Variants in POFUT3 observed in about 807,000 individuals in gnomAD.
The protein encoded by POFUT3 is protein O-fucosyltransferase 3.
At chr8:33,334,484 C>T in the POFUT3 span, among the ~76,000 whole-genome samples, 1,177 of 152,244 alleles carry the variant, frequency 7.7e-3, 72 homozygotes, top group East Asian at 0.16. Context: ...TCCTAAAGTG[C>T]TGGGATTAGA....
chr8:33,432,559 A>G, the POFUT3 span, among the ~76,000 whole-genome samples: 1 of 152,152 alleles, frequency 6.6e-6, no homozygotes, highest in African/African-American at 2.4e-5. Context: ...GGAATGCTAG[A>G]TTGGTTATGT....
the POFUT3 span, among the ~76,000 whole-genome samples, chr8:33,421,040 G>A: frequency 6.6e-6 from 1 of 151,718 alleles, no homozygotes; most frequent in South Asian, 2.1e-4. Context: ...GGAAGAAGAA[G>A]GGACAAGAAC....
the POFUT3 span, among the ~76,000 whole-genome samples, chr8:33,375,427 T>A: frequency 2.0e-4 from 30 of 151,616 alleles, no homozygotes; most frequent in East Asian, 5.7e-3. Flanking sequence ...CAGATAGGAG[T>A]GGGTCAGAGG....
chr8:33,350,435 A>G, the POFUT3 span, among the ~76,000 whole-genome samples: 1 of 152,136 alleles, frequency 6.6e-6, no homozygotes, highest in African/African-American at 2.4e-5. Flanking sequence ...GTGGATGTGA[A>G]AATCCACGGC....
the POFUT3 span, among the ~76,000 whole-genome samples, chr8:33,318,254 T>C: frequency 6.6e-6 from 1 of 151,836 alleles, no homozygotes; most frequent in East Asian, 1.9e-4. Context: ...CACAATAATA[T>C]ACTGTTTCAC....
At chr8:33,441,680 C>T in the POFUT3 span, among the ~76,000 whole-genome samples, 1 of 151,982 alleles carries the variant, frequency 6.6e-6, no homozygotes, top group South Asian at 2.1e-4. Flanking sequence ...TGCACCCAGC[C>T]TTGTTTTAAT....
the POFUT3 span, among the ~76,000 whole-genome samples, chr8:33,324,474 A>C: frequency 6.6e-6 from 1 of 152,138 alleles, no homozygotes; most frequent in African/African-American, 2.4e-5. Flanking sequence ...TCCTAATTCA[A>C]GATTGAGACT....
chr8:33,311,437 G>A, the POFUT3 span, among the ~76,000 whole-genome samples: 3 of 152,162 alleles, frequency 2.0e-5, no homozygotes, highest in Non-Finnish European at 2.9e-5. Context: ...GCCTGAATCA[G>A]TCACTGGTAA....
chr8:33,429,856 C>A, the POFUT3 span, among the ~76,000 whole-genome samples: 1 of 151,950 alleles, frequency 6.6e-6, no homozygotes, highest in African/African-American at 2.4e-5. Context: ...ATTAGCTGGG[C>A]ATGGTGGTGG....
the POFUT3 span, among the ~76,000 whole-genome samples, chr8:33,377,869 C>G: frequency 6.6e-5 from 10 of 152,294 alleles, 1 homozygote; most frequent in South Asian, 1.7e-3. Flanking sequence ...TTGAGCCCAT[C>G]AGGGAACTGA....
At chr8:33,390,205 T>TG in the POFUT3 span, among the ~76,000 whole-genome samples, 4 of 145,704 alleles carry the variant, frequency 2.7e-5, no homozygotes, top group Non-Finnish European at 4.5e-5. Flanking sequence ...GTGTGTGTCA[T>TG]ACACACACAC....
At chr8:33,334,345 G>A in the POFUT3 span, among the ~76,000 whole-genome samples, 1 of 152,056 alleles carries the variant, frequency 6.6e-6, no homozygotes, top group Non-Finnish European at 1.5e-5. Flanking sequence ...AGCCTCCCAA[G>A]TAGCTGGGAT....
chr8:33,414,593 TC>T, the POFUT3 span, among the ~76,000 whole-genome samples: 36,808 of 151,946 alleles, frequency 0.24, 5,176 homozygotes, highest in South Asian at 0.44. Flanking sequence ...CATGGCTTTT[TC>T]CCCCTATTAA....
the POFUT3 span, among the ~76,000 whole-genome samples, chr8:33,444,387 G>GAC: frequency 6.6e-6 from 1 of 152,118 alleles, no homozygotes; most frequent in East Asian, 1.9e-4. Context: ...GAACAAGGAG[G>GAC]ACGGTAAGGG....
the POFUT3 span, among the ~76,000 whole-genome samples, chr8:33,455,316 G>T: frequency 6.6e-6 from 1 of 152,106 alleles, no homozygotes; most frequent in East Asian, 1.9e-4. Flanking sequence ...GGAGGGCAGG[G>T]TGAGTGTAGC....
the POFUT3 span, among the ~76,000 whole-genome samples, chr8:33,465,852 T>A: frequency 1.1e-4 from 17 of 152,100 alleles, no homozygotes; most frequent in African/African-American, 3.9e-4. Context: ...GGAAAGCAGA[T>A]AAATGAAGGA....
chr8:33,411,040 C>T, the POFUT3 span, among the ~76,000 whole-genome samples: 41 of 152,208 alleles, frequency 2.7e-4, 1 homozygote, highest in South Asian at 7.5e-3. Flanking sequence ...ATGGTCTGGG[C>T]CATTCAGATG....
the POFUT3 span, among the ~76,000 whole-genome samples, chr8:33,439,511 A>G: frequency 6.6e-6 from 1 of 152,176 alleles, no homozygotes; most frequent in Admixed American, 6.6e-5. Context: ...CAAACAAAAT[A>G]AAAATCAGAT....
chr8:33,461,591 G>C, the POFUT3 span: 819 of 1,540,148 alleles, frequency 5.3e-4, 1 homozygote, highest in Non-Finnish European at 6.5e-4. Context: ...GCTGGGACCA[G>C]GTCTCCATGA....
Sources: allele counts gnomAD v4.1 joint callset (sites outside exome capture counted in the v4.1 genomes callset), GRCh38; gene constraint gnomAD v4.1.1; transcripts MANE v1.5; gene names NCBI Gene and HGNC (gene_info 2026-07-23, HGNC 2026-07-21).